Variants in CLDN5 observed in about 807,000 individuals in gnomAD.
CLDN5 encodes the protein claudin 5, also known as claudin-5.
Under a neutral mutation model 1.3 loss-of-function variants are expected in CLDN5, and 4 were observed. That is an observed-to-expected ratio of 3.07 (90% CI 1.51 to 7.03). The LOEUF is 7.03. Ranked by LOEUF, CLDN5 falls within the 30% of genes most tolerant of loss-of-function variation. The probability of loss-of-function intolerance (pLI) is 0.00; values close to 1 mark genes in which losing one functional copy is unlikely to be tolerated. For missense variants in CLDN5, 225 were observed against 303.5 expected (o/e 0.74, Z 1.92); for synonymous variants, 156 against 152.3 (o/e 1.02, Z -0.18).
At chr22:19,525,311 C>T (rs754173470), upstream of CLDN5, 268 of 999,132 alleles carry the variant, frequency 2.7e-4, no homozygotes, top group Non-Finnish European at 3.1e-4. Context: ...GCCTAGCAGC[C>T]TGCTCTGGCC....
chr22:19,523,953 G>A lies in CLDN5; in HGVS notation c.303C>T (p.Gly101=), dbSNP rs34379045. ...AFVALFVTLA[G]AQCTTCVAPG... ...GGGCCACGCAGGTGGTGCACTGCGCGCCCGCCAGGGTCACGAAGAGCGCAA... is the reference window on the plus strand; with the variant it reads ...GGGCCACGCAGGTGGTGCACTGCGCACCCGCCAGGGTCACGAAGAGCGCAA... Residue 101 remains glycine (G), a synonymous_variant, in exon 1 of 1, where the codon GGC becomes GGT. Coordinates refer to ENST00000618236, the MANE Select transcript of CLDN5 (RefSeq NM_001363066.2). 5.8e-3 allele frequency: 9,249 copies of A among 1,588,196 alleles called. 422 individuals carry two copies. The African/African-American group carries it at 0.1, about 17-fold the overall frequency.
In CLDN5 at chr22:19,524,236, T is replaced by G; in HGVS notation, c.20A>C (p.Glu7Ala). The G allele has an allele frequency of 6.3e-7, 1 of 1,587,448 alleles. No homozygotes were observed. The highest frequency in any genetic ancestry group is 8.6e-7 in the Non-Finnish European group (1 of 1,167,340). MGSAAL[E>A]ILGLVLCLVG... is the part of the protein sequence containing the mutation. ...CAGGCACAGCACCAGGCCCAGGATCTCCAACGCTGCGGACCCCATGGCTAG... is the reference window on the plus strand; with the variant it reads ...CAGGCACAGCACCAGGCCCAGGATCGCCAACGCTGCGGACCCCATGGCTAG... Residue 7 changes from glutamate to alanine, a missense_variant, in exon 1 of 1, where the codon GAG becomes GCG. By Grantham distance (107) the Glu-to-Ala change is moderately radical. Coordinates refer to ENST00000618236, the MANE Select transcript of CLDN5 (RefSeq NM_001363066.2).
At position 19,523,254 on chromosome 22, in the gene CLDN5, G is replaced by T; in HGVS notation, c.*345C>A. The T allele has an allele frequency of 1.1e-5, 3 of 273,198 alleles. No individual in the cohort carries two copies. Among genetic ancestry groups the T allele is most frequent in the South Asian group, 8.0e-5 (1 of 12,450 alleles). 16.9% of individuals were successfully genotyped at this position (273,198 alleles called of 1,614,324 possible). ...GCATCCGCCCCTCCGAAGTCAGCAG[G>T]AGCCTCTGGGAAGTAAGGCAGCAGC... On this transcript the variant is annotated 3_prime_UTR_variant, in exon 1 of 1. Transcript: ENST00000618236.
upstream of CLDN5, chr22:19,524,514 G>A (rs1267797885): frequency 1.3e-5 from 18 of 1,411,376 alleles, no homozygotes; most frequent in Non-Finnish European, 1.6e-5. Flanking sequence ...GGGTCATCGT[G>A]CCGCAGCCAA....
Position 19,523,343 on chromosome 22 carries a change from A to G in CLDN5, c.*256T>C, listed in dbSNP as rs1934146505. ...AGTCTGACACCCGCTCTGCCTATGG[A>G]AACAGCGCCGCGCACAGAAAAGGAA... On this transcript the variant is annotated 3_prime_UTR_variant, in exon 1 of 1. Coordinates refer to ENST00000618236, the MANE Select transcript of CLDN5 (RefSeq NM_001363066.2). 1 of 513,758 alleles carries G rather than the reference A, an allele frequency of 1.9e-6. No individual in the cohort carries two copies. Among genetic ancestry groups the G allele is most frequent in the Non-Finnish European group, 3.4e-6 (1 of 297,802 alleles). 31.8% of individuals were successfully genotyped at this position (513,758 alleles called of 1,614,324 possible). A position where few individuals can be genotyped will look rare whatever the true frequency, so the allele number is the denominator to read the frequency against.
At position 19,524,377 on chromosome 22, in the gene CLDN5, G is replaced by A. The variant is rs1427573300; in HGVS notation, c.-122C>T. 9 of 1,468,538 alleles carry A rather than the reference G, an allele frequency of 6.1e-6. No individual in the cohort carries two copies. Among genetic ancestry groups the A allele is most frequent in the Non-Finnish European group, 7.2e-6 (8 of 1,109,164 alleles). The allele number at this position is 1,468,538 out of a possible 1,614,324, so 91.0% of individuals were successfully genotyped here. A position where few individuals can be genotyped will look rare whatever the true frequency, so the allele number is the denominator to read the frequency against. On this transcript the variant is annotated 5_prime_UTR_variant, in exon 1 of 1. Coordinates refer to ENST00000618236, the MANE Select transcript of CLDN5 (RefSeq NM_001363066.2). ...CCCGGCTCTTGGCCCCAGTCCGTTT[G>A]CCCCGCGGGTCTGTCGCACCTCCTG...
At chr22:19,525,209 C>G, upstream of CLDN5, 1 of 1,000,582 alleles carries the variant, frequency 1.0e-6, no homozygotes, top group South Asian at 4.7e-5. Context: ...CGCACCCCAT[C>G]CTTGGGGGCC....
rs1934183276 is a variant in CLDN5 at position 19,524,361 on chromosome 22, TG to T, written c.-107del. ...CCTTTGCGCCCGCGCTCCCGGCTCTTGGCCCCAGTCCGTTTGCCCCGCGGGT... is the reference window on the plus strand; with the variant it reads ...CCTTTGCGCCCGCGCTCCCGGCTCTTGCCCCAGTCCGTTTGCCCCGCGGGT... On this transcript the variant is annotated 5_prime_UTR_variant, in exon 1 of 1. Transcript: ENST00000618236. 1.4e-6 allele frequency: 2 copies of T among 1,481,320 alleles called. No individual in the cohort carries two copies. Among genetic ancestry groups the T allele is most frequent in the Non-Finnish European group, 1.8e-6 (2 of 1,114,828 alleles). The allele number at this position is 1,481,320 out of a possible 1,614,324, so 91.8% of individuals were successfully genotyped here.
upstream of CLDN5, chr22:19,524,737 C>T: frequency 7.8e-7 from 1 of 1,284,164 alleles, no homozygotes. Context: ...GCTCGACCCC[C>T]AGTCTGCACC....
Position 19,523,688 on chromosome 22 carries a change from C to A in CLDN5, c.568G>T (p.Gly190Cys), listed in dbSNP as rs749628801. 6.2e-7 allele frequency: 1 copy of A among 1,607,722 alleles called. No homozygotes were observed. Among genetic ancestry groups the A allele is most frequent in the Non-Finnish European group, 8.5e-7 (1 of 1,179,344 alleles). The change falls in exon 1 of 1, where the codon GGC becomes TGC. Residue 190 changes from glycine to cysteine, a missense_variant. Physicochemically the swap from Gly to Cys is radical, Grantham distance 159. Coordinates refer to ENST00000618236, the MANE Select transcript of CLDN5 (RefSeq NM_001363066.2). Reference protein sequence around the residue: ...LLCCGAWVCTGRPDLSFPVKY... With the variant: ...LLCCGAWVCTCRPDLSFPVKY... Reference sequence around the variant, plus strand: ...ACGGGGAAGCTGAGGTCGGGACGGCCGGTGCAGACCCAGGCGCCGCAGCAC... The same window carrying A: ...ACGGGGAAGCTGAGGTCGGGACGGCAGGTGCAGACCCAGGCGCCGCAGCAC...
rs1382285151 is a variant in CLDN5, at chr22:19,523,931, C to T, written c.325G>A (p.Ala109Thr). The stretch of plus-strand genomic sequence containing the variant: ...ACACGCGCCTTGGCCGGGCCCGGGG[C>T]CACGCAGGTGGTGCACTGCGCGCCC... ...LAGAQCTTCV[A>T]PGPAKARVAL... Residue 109 changes from alanine (A) to threonine (T), a missense_variant, in exon 1 of 1, where the codon GCC becomes ACC. Ala to Thr is a moderately conservative substitution (Grantham distance 58, BLOSUM62 0). This residue lies in a region of CLDN5 where 165 missense variants were observed against 211.9 expected (regional missense o/e 0.78). Coordinates refer to ENST00000618236, the MANE Select transcript of CLDN5 (RefSeq NM_001363066.2). 1 of 1,595,502 alleles carries T rather than the reference C, an allele frequency of 6.3e-7. No individual in the cohort carries two copies. Among genetic ancestry groups the T allele is most frequent in the Non-Finnish European group, 8.5e-7 (1 of 1,175,118 alleles).
upstream of CLDN5, chr22:19,524,787 C>G (rs938871697): frequency 1.4e-5 from 17 of 1,231,538 alleles, no homozygotes; most frequent in African/African-American, 3.1e-5. Flanking sequence ...GCCGGGTGGT[C>G]TCTTCCACTC....
chr22:19,524,869 A>AG (rs55684292), upstream of CLDN5: 51,774 of 1,104,878 alleles, frequency 0.047, 1,398 homozygotes, highest in Non-Finnish European at 0.052. Context: ...AGGCCCTCGT[A>AG]GGGGGGCTCT....
Position 19,524,226 on chromosome 22 carries a change from G to C in CLDN5, c.30C>G (p.Gly10=). The change falls in exon 1 of 1, where the codon GGC becomes GGG. Residue 10 remains glycine, a synonymous_variant. Transcript: ENST00000618236. MGSAALEIL[G]LVLCLVGWGG... Reference sequence around the variant, plus strand: ...CCCAGCCCACCAGGCACAGCACCAGGCCCAGGATCTCCAACGCTGCGGACC... The same window carrying C: ...CCCAGCCCACCAGGCACAGCACCAGCCCCAGGATCTCCAACGCTGCGGACC... 1 of 1,595,260 alleles carries C rather than the reference G, an allele frequency of 6.3e-7. No individual in the cohort carries two copies. The highest frequency in any genetic ancestry group is 8.5e-7 in the Non-Finnish European group (1 of 1,171,206).
upstream of CLDN5, chr22:19,525,215 G>T (rs1289930476): frequency 1.0e-6 from 1 of 1,000,506 alleles, no homozygotes; most frequent in East Asian, 1.1e-4. Context: ...CCATCCTTGG[G>T]GGCCCAGTTC....
upstream of CLDN5, chr22:19,525,260 A>C (rs995381361): frequency 5.0e-6 from 5 of 1,000,240 alleles, no homozygotes; most frequent in Non-Finnish European, 6.0e-6. Flanking sequence ...CCAGTGACCC[A>C]GCACACTGGG....
At chr22:19,525,040 C>A, upstream of CLDN5, 1 of 1,002,592 alleles carries the variant, frequency 1.0e-6, no homozygotes. Context: ...AGCCTCACCC[C>A]CCATGCCACT....
chr22:19,523,329 C>A lies in CLDN5; in HGVS notation c.*270G>T, dbSNP rs1012846224. The A allele has an allele frequency of 6.3e-6, 3 of 472,988 alleles. No homozygotes were observed. The highest frequency in any genetic ancestry group is 8.3e-5 in the Admixed American group (2 of 24,194). The allele number at this position is 472,988 out of a possible 1,614,324, so 29.3% of individuals were successfully genotyped here. A position where few individuals can be genotyped will look rare whatever the true frequency, so the allele number is the denominator to read the frequency against. The stretch of plus-strand genomic sequence containing the variant: ...GAAGCGAAATCCTCAGTCTGACACC[C>A]GCTCTGCCTATGGAAACAGCGCCGC... On this transcript the variant is annotated 3_prime_UTR_variant, in exon 1 of 1. Transcript: ENST00000618236.
In CLDN5 at chr22:19,523,276, C is replaced by T. The variant is rs1041851546; in HGVS notation, c.*323G>A. On this transcript the variant is annotated 3_prime_UTR_variant, in exon 1 of 1. Coordinates refer to ENST00000618236, the MANE Select transcript of CLDN5 (RefSeq NM_001363066.2). ...CAGGAGCCTCTGGGAAGTAAGGCAG[C>T]AGCCAAGACCCCCAGCGTCTTGGAG... The T allele has an allele frequency of 5.9e-5, 19 of 321,378 alleles. No homozygotes were observed. In the East Asian group the frequency reaches 9.2e-4, roughly 16 times the overall value. The allele number at this position is 321,378 out of a possible 1,614,324, so 19.9% of individuals were successfully genotyped here.
Sources: allele counts gnomAD v4.1 joint callset, GRCh38; gene constraint gnomAD v4.1.1; regional missense constraint gnomAD v4.1.1; transcripts MANE v1.5; gene names NCBI Gene and HGNC (gene_info 2026-07-23, HGNC 2026-07-21).